ADH6: variants seen among roughly 807,000 people sequenced by gnomAD.
The protein encoded by ADH6 is alcohol dehydrogenase 6 (class V).
ADH6 carries 34 observed loss-of-function variants against 36.5 expected under a neutral mutation model. The ratio of observed to expected loss-of-function variants is 0.93; its 90% CI spans 0.71 to 1.24. ADH6 has a LOEUF of 1.24. Ranked by LOEUF, ADH6 falls within the 50% of genes most tolerant of loss-of-function variation. The pLI, the probability that ADH6 is intolerant of heterozygous loss-of-function variation, is 0.00. For missense variants in ADH6, 440 were observed against 447.0 expected, an observed-to-expected ratio of 0.98 and a Z score of 0.14; for synonymous variants, 161 against 155.5, an observed-to-expected ratio of 1.04 and a Z score of -0.26.
In ADH6 at chr4:99,205,068, A is replaced by C. The variant is rs771586287; in HGVS notation, c.965-5T>G. 14 of 1,560,018 alleles carry C rather than the reference A, an allele frequency of 9.0e-6. No individual in the cohort carries two copies. Among genetic ancestry groups the C allele is most frequent in the Middle Eastern group, 1.7e-4 (1 of 5,856 alleles). On this transcript the variant is annotated splice_region_variant and splice_polypyrimidine_tract_variant and intron_variant, in intron 7 of 8. Coordinates refer to ENST00000394899, the MANE Select transcript of ADH6 (RefSeq NM_001102470.2). ...TGTGCTGTCTGCTCTTCCAGCCTGG[A>C]AATACAGATTAATGATGAATTTTAC... is the stretch of plus-strand genomic sequence containing the variant.
intron 7 of ADH6, among the ~76,000 whole-genome samples, chr4:99,206,154 G>T (rs4147547): frequency 0.33 from 49,394 of 151,906 alleles, 9,519 homozygotes; most frequent in Middle Eastern, 0.44. Flanking sequence ...CCACAGACGG[G>T]ACTAGGCAGT....
At chr4:99,207,860 A>G (rs1466003116) in intron 6 of ADH6, among the ~76,000 whole-genome samples, 1 of 152,150 alleles carries the variant, frequency 6.6e-6, no homozygotes, top group Non-Finnish European at 1.5e-5. Flanking sequence ...AATAATAAAA[A>G]TAATTTTTAT....
chr4:99,204,206 T>C lies in ADH6; in HGVS notation c.*13A>G. ...TGAAATATCCTTTGGGTCTTGCATG[T>C]ATTACATTGTACTTAAAGTAACAGG... On this transcript the variant is annotated 3_prime_UTR_variant, in exon 9 of 9. Coordinates refer to ENST00000394899, the MANE Select transcript of ADH6 (RefSeq NM_001102470.2). 6.2e-7 allele frequency: 1 copy of C among 1,600,386 alleles called. No homozygotes were observed. The highest frequency in any genetic ancestry group is 8.5e-7 in the Non-Finnish European group (1 of 1,177,264).
At chr4:99,204,429 T>C in intron 8 of ADH6, 186 bp from the exon 9 acceptor site, 2 of 1,404,304 alleles carry the variant, frequency 1.4e-6, no homozygotes, top group Non-Finnish European at 1.8e-6. Context: ...GGGTAAAAAG[T>C]AGGTAAGCAA....
At chr4:99,216,328 A>T in intron 1 of ADH6, 66 bp from the exon 2 acceptor site, 2 of 953,406 alleles carry the variant, frequency 2.1e-6, no homozygotes, top group Non-Finnish European at 3.1e-6. Context: ...AGATTGCTAT[A>T]TTAGTGATTA....
chr4:99,215,581 A>G (rs950913481), intron 2 of ADH6, among the ~76,000 whole-genome samples: 1 of 152,208 alleles, frequency 6.6e-6, no homozygotes, highest in Admixed American at 6.5e-5. Context: ...TCCTGCACTC[A>G]AGCAATCTTC....
chr4:99,204,947 C>T lies in ADH6; in HGVS notation c.1081G>A (p.Glu361Lys), dbSNP rs774047166. The T allele has an allele frequency of 3.7e-6, 6 of 1,607,988 alleles. No individual in the cohort carries two copies. In the East Asian group the frequency reaches 1.3e-4, roughly 36 times the overall value. ...LNLDKINEAV[E>K]LMKTGKCIRC... Reference sequence around the variant, plus strand: ...TACCATTTTCCAGTTTTCATTAATTCAACTGCTTCATTGATTTTATCAAGA... The same window carrying T: ...TACCATTTTCCAGTTTTCATTAATTTAACTGCTTCATTGATTTTATCAAGA... The change falls in exon 8 of 9, where the codon GAA becomes AAA. Residue 361 changes from glutamate (E) to lysine (K), a missense_variant. Glu to Lys is a moderately conservative substitution (Grantham distance 56). Coordinates refer to ENST00000394899, the MANE Select transcript of ADH6 (RefSeq NM_001102470.2).
chr4:99,215,210 T>C (rs1731363080), intron 2 of ADH6, among the ~76,000 whole-genome samples: 1 of 152,116 alleles, frequency 6.6e-6, no homozygotes, highest in African/African-American at 2.4e-5. Flanking sequence ...GCTTACTCCA[T>C]AGGGGATGTA....
intron 1 of ADH6, 27 bp from the exon 2 acceptor site, chr4:99,216,289 A>G (rs1211918106): frequency 2.8e-6 from 4 of 1,448,354 alleles, no homozygotes; most frequent in Non-Finnish European, 3.7e-6. Flanking sequence ...AGGGGCAGAA[A>G]GAGAAGCTCC....
At chr4:99,215,565 C>T (rs183445778) in intron 2 of ADH6, among the ~76,000 whole-genome samples, 22 of 152,286 alleles carry the variant, frequency 1.4e-4, no homozygotes, top group African/African-American at 5.3e-4. Flanking sequence ...AAAAACTGTT[C>T]TCATCTCCTG....
chr4:99,210,198 T>C lies in ADH6; in HGVS notation c.451A>G (p.Thr151Ala). 1 of 1,613,832 alleles carries C rather than the reference T, an allele frequency of 6.2e-7. No individual in the cohort carries two copies. Among genetic ancestry groups the C allele is most frequent in the Non-Finnish European group, 8.5e-7 (1 of 1,179,846 alleles). ...FGNTSTFCEY[T>A]VIKEISVAKI... ...GCAACTGAGATTTCCTTTATCACTG[T>C]GTATTCACAGAAGGTGCTGGTATTA... Residue 151 changes from threonine (T) to alanine (A), a missense_variant, in exon 5 of 9, where the codon ACA becomes GCA. Physicochemically the swap from Thr to Ala is moderately conservative, Grantham distance 58 (BLOSUM62 0). Coordinates refer to ENST00000394899, the MANE Select transcript of ADH6 (RefSeq NM_001102470.2).
chr4:99,206,465 T>C (rs1379562009), intron 7 of ADH6, among the ~76,000 whole-genome samples: 1 of 151,996 alleles, frequency 6.6e-6, no homozygotes, highest in Non-Finnish European at 1.5e-5. Context: ...CATCTATAAA[T>C]ACAATAGAGA....
chr4:99,204,368 G>T, intron 8 of ADH6, 125 bp from the exon 9 acceptor site: 2 of 1,455,810 alleles, frequency 1.4e-6, no homozygotes, highest in Non-Finnish European at 1.8e-6. Context: ...TGAAAAATGA[G>T]AAGATTAAAT....
At chr4:99,208,507 A>T (rs576573855) in intron 6 of ADH6, 161 bp downstream of exon 6, 2 of 734,492 alleles carry the variant, frequency 2.7e-6, no homozygotes, top group Non-Finnish European at 4.2e-6. Context: ...GATAGTGAAC[A>T]AATTTGTAAG....
At position 99,208,576 on chromosome 4, in the gene ADH6, A is replaced by C. The variant is rs570882589; in HGVS notation, c.828+92T>G. 11 of 1,407,182 alleles carry C rather than the reference A, an allele frequency of 7.8e-6. No homozygotes were observed. The South Asian group carries it at 1.4e-4, about 18-fold the overall frequency. 87.2% of individuals were successfully genotyped at this position (1,407,182 alleles called of 1,614,324 possible). A position where few individuals can be genotyped will look rare whatever the true frequency, so the allele number is the denominator to read the frequency against. ...AACACAAGGAAAATTAAATAGAGCA[A>C]AGTGGAGGGAATTTTAGAAAGCTCA... On this transcript the variant is annotated intron_variant, in intron 6 of 8. Coordinates refer to ENST00000394899, the MANE Select transcript of ADH6 (RefSeq NM_001102470.2).
chr4:99,212,468 T>A (rs955790603), intron 3 of ADH6, among the ~76,000 whole-genome samples: 1 of 152,156 alleles, frequency 6.6e-6, no homozygotes, highest in Admixed American at 6.6e-5. Context: ...TGAAGACTTA[T>A]ATTTTGTGGT....
At chr4:99,205,269 C>A (rs935434961) in intron 7 of ADH6, among the ~76,000 whole-genome samples, 1 of 152,030 alleles carries the variant, frequency 6.6e-6, no homozygotes, top group Admixed American at 6.6e-5. Flanking sequence ...TCTGGTACTA[C>A]AGAGGAGAAT....
At chr4:99,209,864 A>C (rs1198276215) in intron 5 of ADH6, among the ~76,000 whole-genome samples, 1 of 152,148 alleles carries the variant, frequency 6.6e-6, no homozygotes, top group Admixed American at 6.6e-5. Flanking sequence ...TGTGAATGGC[A>C]TCCAGACTTA....
intron 8 of ADH6, chr4:99,204,461 G>T (rs1730949551): frequency 5.9e-6 from 8 of 1,345,318 alleles, no homozygotes; most frequent in Non-Finnish European, 7.6e-6. Context: ...TGTGGGGAAT[G>T]CCAGTTTCTG....
Sources: gnomAD v4.1 joint callset for allele counts (sites outside exome capture counted in the v4.1 genomes callset) on GRCh38, gnomAD v4.1.1 for gene constraint, MANE v1.5 for transcripts, NCBI Gene and HGNC (gene_info 2026-07-23, HGNC 2026-07-21) for gene names.